The following NKAIN3 variants were observed in gnomAD, a reference collection of about 807,000 sequenced individuals.
The protein encoded by NKAIN3 is sodium/potassium transporting ATPase interacting 3, also known as sodium/potassium-transporting ATPase subunit beta-1-interacting protein 3.
Under a neutral mutation model 30.2 loss-of-function variants are expected in NKAIN3, and 25 were observed. The observed-to-expected ratio is 0.83, with a 90% CI of 0.60 to 1.16. The LOEUF (loss-of-function observed/expected upper bound fraction) is 1.16, where lower values mean the gene tolerates loss of function less well. Among genes scored for constraint, NKAIN3 ranks in the 50% most tolerant of loss-of-function variants. The pLI, the probability that NKAIN3 is intolerant of heterozygous loss-of-function variation, is 0.00. For missense variants in NKAIN3, 225 were observed against 254.1 expected, an observed-to-expected ratio of 0.89 and a Z score of 0.78; for synonymous variants, 91 against 89.6, an observed-to-expected ratio of 1.02 and a Z score of -0.09.
intron 4 of NKAIN3, among the ~76,000 whole-genome samples, chr8:62,751,858 A>G (rs1816295043): frequency 7.5e-6 from 1 of 133,888 alleles, no homozygotes; most frequent in Non-Finnish European, 1.6e-5. Flanking sequence ...TACTGAGAGC[A>G]TTTCCTAGTC....
At chr8:62,721,492 A>G (rs1282609551) in intron 3 of NKAIN3, among the ~76,000 whole-genome samples, 2 of 152,202 alleles carry the variant, frequency 1.3e-5, no homozygotes, top group Non-Finnish European at 2.9e-5. Flanking sequence ...CCTCTTAACG[A>G]TGAGACTATG....
intron 4 of NKAIN3, among the ~76,000 whole-genome samples, chr8:62,766,682 A>C (rs973969293): frequency 6.6e-6 from 1 of 152,170 alleles, no homozygotes; most frequent in African/African-American, 2.4e-5. Context: ...ATCCACTATG[A>C]GTGACAGGGC....
chr8:62,763,910 T>C (rs1204509645), intron 4 of NKAIN3, among the ~76,000 whole-genome samples: 1 of 152,220 alleles, frequency 6.6e-6, no homozygotes, highest in East Asian at 1.9e-4. Flanking sequence ...GCTTGGAATG[T>C]GTCTGTGTGA....
chr8:62,707,890 G>A lies in NKAIN3; in HGVS notation c.274-39042G>A, dbSNP rs1216505768. Among the ~76,000 whole-genome samples the A allele has an allele frequency of 2.0e-5, 3 of 152,124 alleles. No homozygotes were observed. The East Asian group carries it at 5.8e-4, about 29-fold the overall frequency. ...GGTTTAAGTCCCTAATCCAGCTTGA[G>A]TTGATTTTTGTATAAGCTGAGAAAT... On this transcript the variant is annotated intron_variant, in intron 3 of 6. Transcript: ENST00000623646.
intron 3 of NKAIN3, among the ~76,000 whole-genome samples, chr8:62,661,889 T>G (rs1812956233): frequency 6.6e-6 from 1 of 152,164 alleles, no homozygotes; most frequent in African/African-American, 2.4e-5. Flanking sequence ...GCCCAGCACC[T>G]TCTTTGGCTG....
chr8:62,489,397 G>A (rs1011573155), intron 1 of NKAIN3, among the ~76,000 whole-genome samples: 15 of 152,196 alleles, frequency 9.9e-5, no homozygotes, highest in Admixed American at 6.5e-4. Flanking sequence ...ATTGTCTATA[G>A]CCTTACATTA....
chr8:62,561,516 G>A (rs1354396693), intron 1 of NKAIN3, among the ~76,000 whole-genome samples: 2 of 152,052 alleles, frequency 1.3e-5, no homozygotes, highest in Non-Finnish European at 2.9e-5. Context: ...AAATATTTAA[G>A]CAATGTAGGA....
rs188685830 is a variant in NKAIN3 at position 62,516,113 on chromosome 8, G to A, written c.55-63426G>A. Among the ~76,000 whole-genome samples, 389 of 152,128 alleles carry A rather than the reference G, an allele frequency of 2.6e-3. 2 individuals carry two copies. Among genetic ancestry groups the A allele is most frequent in the Non-Finnish European group, 3.0e-3 (203 of 67,976 alleles). On this transcript the variant is annotated intron_variant, in intron 1 of 6. Transcript: ENST00000623646. ...AGCTGGCAACTTAGGAGATTCAAGTGCTAAAGATCCCACATTTAGATGTAT... is the reference window on the plus strand; with the variant it reads ...AGCTGGCAACTTAGGAGATTCAAGTACTAAAGATCCCACATTTAGATGTAT...
intron 1 of NKAIN3, among the ~76,000 whole-genome samples, chr8:62,290,000 A>T (rs941363428): frequency 1.4e-4 from 21 of 152,082 alleles, no homozygotes; most frequent in African/African-American, 4.8e-4. Flanking sequence ...TTCTCTTTGA[A>T]GTGATTGTGA....
At chr8:62,510,149 G>A (rs1292707271) in intron 1 of NKAIN3, among the ~76,000 whole-genome samples, 2 of 152,024 alleles carry the variant, frequency 1.3e-5, no homozygotes, top group Non-Finnish European at 2.9e-5. Context: ...TGGAATCAGG[G>A]TGAATAAGAG....
At chr8:62,693,744 G>A (rs1352166853) in intron 3 of NKAIN3, among the ~76,000 whole-genome samples, 1 of 152,044 alleles carries the variant, frequency 6.6e-6, no homozygotes, top group African/African-American at 2.4e-5. Context: ...ATCACCTCCT[G>A]CAAAGCCCTT....
At chr8:62,665,404 T>C (rs1283873945) in intron 3 of NKAIN3, among the ~76,000 whole-genome samples, 1 of 152,068 alleles carries the variant, frequency 6.6e-6, no homozygotes, top group African/African-American at 2.4e-5. Flanking sequence ...AGCCCCTTAC[T>C]GTACATGCCC....
rs1185184344 is a variant in NKAIN3 at position 62,982,440 on chromosome 8, T to C, written c.*17033T>C. Reference sequence around the variant, plus strand: ...TGGTGGCCCCGCAGTCATTATGGTCTTGTTAAATAATTAGATTTGTGTAAA... The same window carrying C: ...TGGTGGCCCCGCAGTCATTATGGTCCTGTTAAATAATTAGATTTGTGTAAA... On this transcript the variant is annotated 3_prime_UTR_variant, in exon 7 of 7. Transcript: ENST00000623646. The C allele has an allele frequency of 6.6e-6, 1 of 152,204 alleles. No individual in the cohort carries two copies. Among genetic ancestry groups the C allele is most frequent in the Non-Finnish European group, 1.5e-5 (1 of 68,030 alleles). The allele number at this position is 152,204 out of a possible 1,614,324, so 9.4% of individuals were successfully genotyped here. A position where few individuals can be genotyped will look rare whatever the true frequency, so the allele number is the denominator to read the frequency against.
intron 1 of NKAIN3, among the ~76,000 whole-genome samples, chr8:62,433,404 A>G (rs1805076327): frequency 6.6e-6 from 1 of 152,170 alleles, no homozygotes; most frequent in Non-Finnish European, 1.5e-5. Context: ...AAATAAAAAT[A>G]CAATCTCAAG....
At chr8:62,270,792 A>G (rs1421312985) in intron 1 of NKAIN3, among the ~76,000 whole-genome samples, 1 of 152,144 alleles carries the variant, frequency 6.6e-6, no homozygotes, top group Non-Finnish European at 1.5e-5. Flanking sequence ...TAGATTCCAC[A>G]TGTAAGTGCG....
intron 3 of NKAIN3, among the ~76,000 whole-genome samples, chr8:62,657,884 C>G (rs1202590314): frequency 6.6e-6 from 1 of 152,188 alleles, no homozygotes; most frequent in East Asian, 1.9e-4. Context: ...AATGAAACTA[C>G]CTGTCCTGTC....
At chr8:62,843,341 T>A (rs1819585294) in intron 4 of NKAIN3, among the ~76,000 whole-genome samples, 1 of 151,562 alleles carries the variant, frequency 6.6e-6, no homozygotes, top group South Asian at 2.1e-4. Flanking sequence ...ATTTTTTATT[T>A]ATTTATTTTT....
chr8:62,266,986 T>C lies in NKAIN3; in HGVS notation c.54+17859T>C, dbSNP rs1812628513. Among the ~76,000 whole-genome samples the C allele has an allele frequency of 2.6e-5, 4 of 152,222 alleles. No individual in the cohort carries two copies. In the South Asian group the frequency reaches 8.3e-4, roughly 31 times the overall value. The stretch of plus-strand genomic sequence containing the variant: ...CTGCTGCTGTGCATTGCCACTTCAG[T>C]AAATGTTGCTAAGACCACTGGCTTG... On this transcript the variant is annotated intron_variant, in intron 1 of 6. Transcript: ENST00000623646.
chr8:62,855,540 A>T (rs879187245), intron 4 of NKAIN3: 3 of 1,504,008 alleles, frequency 2.0e-6, no homozygotes, highest in Non-Finnish European at 2.8e-6. Flanking sequence ...AGCTCCTTAA[A>T]CTCAACCACC....
Sources: allele counts gnomAD v4.1 joint callset (sites outside exome capture counted in the v4.1 genomes callset), GRCh38; gene constraint gnomAD v4.1.1; transcripts MANE v1.5; gene names NCBI Gene and HGNC (gene_info 2026-07-23, HGNC 2026-07-21).